CNTNAP5: variants seen among roughly 807,000 people sequenced by gnomAD.
CNTNAP5 encodes contactin-associated protein-like 5.
CNTNAP5 carries 72 observed loss-of-function variants against 150.2 expected under a neutral mutation model. The ratio of observed to expected loss-of-function variants is 0.48; its 90% CI spans 0.40 to 0.58. CNTNAP5 has a LOEUF of 0.58. Ranked by LOEUF, CNTNAP5 falls within the 20% of genes least tolerant of loss-of-function variation. The probability of loss-of-function intolerance (pLI) is 0.00; values close to 1 mark genes in which losing one functional copy is unlikely to be tolerated. For missense variants in CNTNAP5, 1,636 were observed against 1,626.2 expected (o/e 1.01, Z -0.10); for synonymous variants, 672 against 619.8 (o/e 1.08, Z -1.25).
intron 16 of CNTNAP5, 137 bp from the exon 17 acceptor site, chr2:124,772,662 A>G (rs1681229507): frequency 6.2e-6 from 4 of 650,310 alleles, no homozygotes; most frequent in Non-Finnish European, 1.1e-5. Flanking sequence ...ATTAATGGTG[A>G]TTTCAGTGCT....
chr2:124,252,461 G>A (rs956099854), intron 3 of CNTNAP5, among the ~76,000 whole-genome samples: 2 of 152,150 alleles, frequency 1.3e-5, no homozygotes, highest in South Asian at 2.1e-4. Context: ...ACCCTGCCCA[G>A]CAGAGTCCAG....
chr2:124,807,510 C>A lies in CNTNAP5; in HGVS notation c.3217+9190C>A, dbSNP rs140322218. Among the ~76,000 whole-genome samples, 6 of 152,312 alleles carry A rather than the reference C, an allele frequency of 3.9e-5. No homozygotes were observed. In the East Asian group the frequency reaches 1.2e-3, roughly 29 times the overall value. Reference sequence around the variant, plus strand: ...CAAACATTAATTCATCTCATTCTCACACAATGACTATGGAGTCGGTACTAG... The same window carrying A: ...CAAACATTAATTCATCTCATTCTCAAACAATGACTATGGAGTCGGTACTAG... On this transcript the variant is annotated intron_variant, in intron 19 of 23. Coordinates refer to ENST00000682447, the MANE Select transcript of CNTNAP5 (RefSeq NM_001367498.1).
intron 3 of CNTNAP5, among the ~76,000 whole-genome samples, chr2:124,401,125 C>A (rs1285387876): frequency 1.3e-5 from 2 of 152,160 alleles, no homozygotes; most frequent in Non-Finnish European, 2.9e-5. Flanking sequence ...CTCGTCCTGC[C>A]AAATTGCTGG....
chr2:124,251,035 C>CAG (rs1318233397), intron 3 of CNTNAP5, among the ~76,000 whole-genome samples: 1 of 152,098 alleles, frequency 6.6e-6, no homozygotes, highest in Non-Finnish European at 1.5e-5. Flanking sequence ...TAAGTGTGAG[C>CAG]AGGCGTTGCT....
intron 13 of CNTNAP5, among the ~76,000 whole-genome samples, chr2:124,716,711 C>G (rs1679952114): frequency 6.6e-6 from 1 of 151,914 alleles, no homozygotes; most frequent in South Asian, 2.1e-4. Flanking sequence ...AAGACAAAAA[C>G]ACATATTTTT....
chr2:124,229,660 T>G (rs892691135), intron 2 of CNTNAP5, among the ~76,000 whole-genome samples: 11 of 152,192 alleles, frequency 7.2e-5, no homozygotes, highest in African/African-American at 2.7e-4. Context: ...TGATTTGTTT[T>G]GTGGCAAGAA....
Position 124,025,643 on chromosome 2 carries a change from C to A in CNTNAP5, c.-8C>A, listed in dbSNP as rs1322378038. The stretch of plus-strand genomic sequence containing the variant: ...ATTCGATTGGGAGGGACCGCTCACT[C>A]GGGGGAAATGGATTCTTTACCACGG... On this transcript the variant is annotated 5_prime_UTR_variant, in exon 1 of 24. Coordinates refer to ENST00000682447, the MANE Select transcript of CNTNAP5 (RefSeq NM_001367498.1). The A allele has an allele frequency of 2.5e-6, 4 of 1,613,602 alleles. No individual in the cohort carries two copies. Among genetic ancestry groups the A allele is most frequent in the Non-Finnish European group, 3.4e-6 (4 of 1,179,698 alleles).
At chr2:124,233,123 T>C (rs934886161) in intron 2 of CNTNAP5, among the ~76,000 whole-genome samples, 1 of 151,970 alleles carries the variant, frequency 6.6e-6, no homozygotes, top group Non-Finnish European at 1.5e-5. Context: ...AAGGGCAGGC[T>C]CCAGGGCTGC....
At chr2:124,171,958 A>G (rs10177705) in intron 1 of CNTNAP5, among the ~76,000 whole-genome samples, 113,384 of 152,124 alleles carry the variant, frequency 0.75, 43,140 homozygotes, top group Non-Finnish European at 0.8. Context: ...CATGAATGAC[A>G]CCAAAATGCT....
At chr2:124,721,499 A>AC (rs1256779346) in intron 13 of CNTNAP5, among the ~76,000 whole-genome samples, 3 of 148,930 alleles carry the variant, frequency 2.0e-5, no homozygotes, top group Non-Finnish European at 4.4e-5. Context: ...ATAAATAAAT[A>AC]AATAAATAAA....
chr2:124,096,628 G>A (rs1410488322), intron 1 of CNTNAP5, among the ~76,000 whole-genome samples: 2 of 152,020 alleles, frequency 1.3e-5, no homozygotes, highest in Non-Finnish European at 2.9e-5. Flanking sequence ...TTGGGGAACT[G>A]TATTCCCTAG....
chr2:124,499,907 C>T (rs2104858618), intron 7 of CNTNAP5, among the ~76,000 whole-genome samples: 1 of 152,212 alleles, frequency 6.6e-6, no homozygotes, highest in Non-Finnish European at 1.5e-5. Context: ...GCTCACTGGA[C>T]TACAGAGTCT....
intron 3 of CNTNAP5, among the ~76,000 whole-genome samples, chr2:124,397,029 G>A (rs1691268064): frequency 6.6e-6 from 1 of 152,208 alleles, no homozygotes; most frequent in African/African-American, 2.4e-5. Context: ...TCCTGTCTTA[G>A]CACATCACTA....
chr2:124,914,071 T>C (rs753421827), intron 23 of CNTNAP5, 21 bp from the exon 24 acceptor site: 1 of 1,587,624 alleles, frequency 6.3e-7, no homozygotes, highest in South Asian at 1.1e-5. Flanking sequence ...CCTTCTCTCT[T>C]TCCTTCCCCT....
chr2:124,263,391 G>A (rs1195276233), intron 3 of CNTNAP5, among the ~76,000 whole-genome samples: 3 of 152,164 alleles, frequency 2.0e-5, no homozygotes, highest in African/African-American at 7.2e-5. Flanking sequence ...GCATTTCTCT[G>A]ATGGCCAGTG....
intron 3 of CNTNAP5, among the ~76,000 whole-genome samples, chr2:124,326,162 A>T (rs922888726): frequency 1.3e-5 from 2 of 152,196 alleles, no homozygotes; most frequent in Non-Finnish European, 2.9e-5. Flanking sequence ...GGTGAGGATG[A>T]TGTTTCTTTG....
In CNTNAP5 at chr2:124,242,370, T is replaced by C. The variant is rs760280589; in HGVS notation, c.358T>C (p.Tyr120His). The change falls in exon 3 of 24, where the codon TAC (tyrosine) becomes CAC (histidine). Residue 120 changes from tyrosine (Y) to histidine (H), a missense_variant. Transcript: ENST00000682447. ...TGACACAGGACGCAACTGGAAACAGTACAAACAAGAAGACAGCATCTGGGT... is the reference window on the plus strand; with the variant it reads ...TGACACAGGACGCAACTGGAAACAGCACAAACAAGAAGACAGCATCTGGGT... ...FSDTGRNWKQ[Y>H]KQEDSIWTFA... is the part of the protein sequence containing the mutation. The C allele has an allele frequency of 6.2e-7, 1 of 1,613,106 alleles. No homozygotes were observed. Among genetic ancestry groups the C allele is most frequent in the East Asian group, 2.2e-5 (1 of 44,688 alleles).
Position 124,242,350 on chromosome 2 carries a change from C to T in CNTNAP5, c.338C>T (p.Thr113Ile). ...VTSYSLMFSD[T>I]GRNWKQYKQE... ...AGTTACAGCCTGATGTTCAGTGACA[C>T]AGGACGCAACTGGAAACAGTACAAA... Residue 113 changes from threonine (T) to isoleucine (I), a missense_variant, in exon 3 of 24, where the codon ACA becomes ATA. By Grantham distance (89) the Thr-to-Ile change is moderately conservative. Transcript: ENST00000682447. 6.2e-7 allele frequency: 1 copy of T among 1,613,360 alleles called. No homozygotes were observed. The highest frequency in any genetic ancestry group is 1.1e-5 in the South Asian group (1 of 91,002).
intron 13 of CNTNAP5, among the ~76,000 whole-genome samples, chr2:124,724,167 A>C (rs1175806547): frequency 6.7e-6 from 1 of 150,178 alleles, no homozygotes; most frequent in Non-Finnish European, 1.5e-5. Flanking sequence ...AATAATAATA[A>C]TAATAATAAT....
Sources: allele counts gnomAD v4.1 joint callset (sites outside exome capture counted in the v4.1 genomes callset), GRCh38; gene constraint gnomAD v4.1.1; transcripts MANE v1.5; gene names NCBI Gene and HGNC (gene_info 2026-07-23, HGNC 2026-07-21).